Variants in TRAM2 observed in about 807,000 individuals in gnomAD.
The protein encoded by TRAM2 is translocating chain-associated membrane protein 2.
TRAM2 carries 12 observed loss-of-function variants against 51.0 expected under a neutral mutation model. That is an observed-to-expected ratio of 0.24 (90% confidence interval 0.15 to 0.38). TRAM2 has a LOEUF of 0.38. Among genes scored for constraint, TRAM2 ranks in the 10% least tolerant of loss-of-function variants. TRAM2 has a pLI of 1.00. For synonymous variants in TRAM2, 175 were observed against 179.4 expected (o/e 0.98, Z 0.20); for missense variants, 361 against 462.0 (o/e 0.78, Z 2.00).
intron 1 of TRAM2, among the ~76,000 whole-genome samples, chr6:52,561,231 A>G (rs1024036387): frequency 2.0e-5 from 3 of 152,134 alleles, no homozygotes; most frequent in African/African-American, 4.8e-5. Flanking sequence ...ATGCAAGTGG[A>G]TATTAAGGTG....
chr6:52,521,209 C>T (rs960511078), intron 2 of TRAM2, among the ~76,000 whole-genome samples: 3 of 151,916 alleles, frequency 2.0e-5, no homozygotes, highest in Admixed American at 2.0e-4. Flanking sequence ...TGCACCCAGC[C>T]CTATCTTCCT....
chr6:52,504,783 C>G, intron 9 of TRAM2, 29 bp from the exon 10 acceptor site: 9 of 1,569,628 alleles, frequency 5.7e-6, no homozygotes, highest in Non-Finnish European at 7.7e-6. Context: ...GGGGCTTAGG[C>G]TGGGGCTTGG....
At chr6:52,550,145 G>T (rs1232172656) in intron 1 of TRAM2, among the ~76,000 whole-genome samples, 1 of 152,174 alleles carries the variant, frequency 6.6e-6, no homozygotes, top group African/African-American at 2.4e-5. Flanking sequence ...AGCATGAAAG[G>T]GGTATTCATC....
intron 4 of TRAM2, among the ~76,000 whole-genome samples, chr6:52,511,930 G>A (rs1316475177): frequency 3.9e-5 from 6 of 152,162 alleles, no homozygotes; most frequent in Non-Finnish European, 8.8e-5. Context: ...AGGAATAAAA[G>A]TGGATGAGGC....
chr6:52,571,444 G>C (rs754767146), intron 1 of TRAM2, among the ~76,000 whole-genome samples: 2 of 152,164 alleles, frequency 1.3e-5, no homozygotes, highest in East Asian at 3.8e-4. Flanking sequence ...TCCGGACAGC[G>C]CCCTCGAGAA....
chr6:52,516,771 T>C lies in TRAM2; in HGVS notation c.185-34A>G, dbSNP rs375927550. ...GTAATAAAAGTCCCATCAGCATCCCTGGGGGAAGGAAATACTCTGGGACCC... is the reference window on the plus strand; with the variant it reads ...GTAATAAAAGTCCCATCAGCATCCCCGGGGGAAGGAAATACTCTGGGACCC... On this transcript the variant is annotated intron_variant, in intron 2 of 10. Transcript: ENST00000182527. 5.2e-6 allele frequency: 8 copies of C among 1,533,316 alleles called. No homozygotes were observed. In the African/African-American group the frequency reaches 8.2e-5, roughly 16 times the overall value. 95.0% of individuals were successfully genotyped at this position (1,533,316 alleles called of 1,614,324 possible). A position where few individuals can be genotyped will look rare whatever the true frequency, so the allele number is the denominator to read the frequency against.
intron 2 of TRAM2, chr6:52,524,359 C>T (rs1766732754): frequency 7.2e-6 from 1 of 139,224 alleles, no homozygotes; most frequent in South Asian, 2.2e-4. Flanking sequence ...GAAAAATATG[C>T]ATTTGTATTT....
At chr6:52,567,663 A>G (rs993907738) in intron 1 of TRAM2, among the ~76,000 whole-genome samples, 5 of 152,222 alleles carry the variant, frequency 3.3e-5, no homozygotes, top group Non-Finnish European at 5.9e-5. Context: ...AATTCTCCAT[A>G]TTGCCACAGA....
intron 1 of TRAM2, among the ~76,000 whole-genome samples, chr6:52,537,375 C>G (rs573005526): frequency 1.3e-5 from 2 of 152,318 alleles, no homozygotes; most frequent in South Asian, 4.1e-4. Context: ...CCTGTATTTT[C>G]TTTAGAACAG....
At chr6:52,503,358 GC>G in intron 10 of TRAM2, 88 bp from the exon 11 acceptor site, 1 of 1,184,866 alleles carries the variant, frequency 8.4e-7, no homozygotes, top group Non-Finnish European at 1.3e-6. Context: ...CAAGGAAGGG[GC>G]CCGGGCAGCC....
intron 2 of TRAM2, among the ~76,000 whole-genome samples, chr6:52,528,888 T>C (rs891823919): frequency 1.5e-4 from 3 of 19,814 alleles, no homozygotes; most frequent in Non-Finnish European, 3.2e-4. Context: ...GTACATGACT[T>C]TTTTTTTTTT....
chr6:52,573,325 T>C (rs1354817301), intron 1 of TRAM2, among the ~76,000 whole-genome samples: 1 of 152,090 alleles, frequency 6.6e-6, no homozygotes, highest in Non-Finnish European at 1.5e-5. Flanking sequence ...CACACCCTGG[T>C]TGATGGTCAG....
chr6:52,542,945 G>A (rs184861505), intron 1 of TRAM2, among the ~76,000 whole-genome samples: 6 of 152,218 alleles, frequency 3.9e-5, no homozygotes, highest in East Asian at 1.9e-4. Flanking sequence ...GAAATTAATC[G>A]GGTACTGAAA....
intron 1 of TRAM2, among the ~76,000 whole-genome samples, chr6:52,557,624 T>G (rs76224782): frequency 0.085 from 12,979 of 152,144 alleles, 760 homozygotes; most frequent in Non-Finnish European, 0.12. Flanking sequence ...CAATGAGAAA[T>G]GGAGAATCAG....
intron 4 of TRAM2, 86 bp from the exon 5 acceptor site, chr6:52,509,672 C>T (rs1766418811): frequency 1.7e-6 from 2 of 1,148,350 alleles, no homozygotes; most frequent in African/African-American, 3.1e-5. Flanking sequence ...GTCAGGGATG[C>T]ATCCAGTCCC....
chr6:52,552,241 G>A (rs986101047), intron 1 of TRAM2, among the ~76,000 whole-genome samples: 4 of 152,210 alleles, frequency 2.6e-5, no homozygotes, highest in Non-Finnish European at 4.4e-5. Context: ...CAGGGGGCAC[G>A]GATGCAGAGA....
chr6:52,504,566 C>G (rs763058705), intron 10 of TRAM2, 25 bp downstream of exon 10: 20 of 1,613,502 alleles, frequency 1.2e-5, no homozygotes, highest in Non-Finnish European at 1.7e-5. Context: ...TGGCTCCACT[C>G]TCTGCCAAGG....
intron 1 of TRAM2, among the ~76,000 whole-genome samples, chr6:52,536,333 G>C (rs1766977209): frequency 6.6e-6 from 1 of 152,210 alleles, no homozygotes; most frequent in Non-Finnish European, 1.5e-5. Flanking sequence ...GAGAATTCCA[G>C]CTGCTAATTT....
At chr6:52,535,541 C>T (rs545245778) in intron 2 of TRAM2, among the ~76,000 whole-genome samples, 3 of 152,290 alleles carry the variant, frequency 2.0e-5, no homozygotes, top group Middle Eastern at 3.4e-3. Context: ...ATTAGTAGGG[C>T]GTGGTGGCAC....
Sources: allele counts gnomAD v4.1 joint callset (sites outside exome capture counted in the v4.1 genomes callset), GRCh38; gene constraint gnomAD v4.1.1; transcripts MANE v1.5; gene names NCBI Gene and HGNC (gene_info 2026-07-23, HGNC 2026-07-21).